The following ITPR2 variants were observed in gnomAD, a reference collection of about 807,000 sequenced individuals.
ITPR2 encodes inositol 1,4,5-trisphosphate-gated calcium channel ITPR2.
In ITPR2, 207 loss-of-function variants were observed where a neutral mutation model predicts 317.1. The observed-to-expected ratio is 0.65, with a 90% CI of 0.58 to 0.73. ITPR2 has a LOEUF of 0.73. ITPR2 is among the 30% of genes least tolerant of loss of function. ITPR2 has a pLI of 0.00. For missense variants in ITPR2, 2,613 were observed against 3,284.0 expected (o/e 0.80, Z 4.99); for synonymous variants, 1,156 against 1,149.1 (o/e 1.01, Z -0.12).
At chr12:26,667,184 A>G (rs537026791) in intron 13 of ITPR2, among the ~76,000 whole-genome samples, 21 of 152,348 alleles carry the variant, frequency 1.4e-4, no homozygotes, top group South Asian at 4.1e-4. Flanking sequence ...CAATTCCAGG[A>G]AAGTATAGAA....
chr12:26,448,930 G>T (rs1159604080), intron 45 of ITPR2, among the ~76,000 whole-genome samples: 1 of 152,044 alleles, frequency 6.6e-6, no homozygotes, highest in Non-Finnish European at 1.5e-5. Context: ...TGCATTTTTT[G>T]AAACCAAGAT....
intron 34 of ITPR2, among the ~76,000 whole-genome samples, chr12:26,576,564 G>T (rs1488561101): frequency 6.6e-6 from 1 of 152,214 alleles, no homozygotes; most frequent in African/African-American, 2.4e-5. Flanking sequence ...TGGCGCTCCA[G>T]AATGTGGGGA....
At chr12:26,724,800 T>G in intron 3 of ITPR2, 58 bp from the exon 4 acceptor site, 3 of 1,266,988 alleles carry the variant, frequency 2.4e-6, no homozygotes, top group African/African-American at 3.0e-5. Context: ...GTGTAATAAC[T>G]GACAAAGAAA....
intron 23 of ITPR2, among the ~76,000 whole-genome samples, chr12:26,626,201 C>T (rs909435431): frequency 6.6e-6 from 1 of 152,118 alleles, no homozygotes; most frequent in African/African-American, 2.4e-5. Flanking sequence ...CTGGGCTCAA[C>T]CAATCCGCCC....
At chr12:26,798,666 A>G (rs1485124080) in intron 1 of ITPR2, among the ~76,000 whole-genome samples, 2 of 152,224 alleles carry the variant, frequency 1.3e-5, no homozygotes, top group Non-Finnish European at 2.9e-5. Context: ...TCATGTTTGT[A>G]TGGTAATTAA....
chr12:26,628,018 G>C lies in ITPR2; in HGVS notation c.3064+15C>G. 1.9e-6 allele frequency: 3 copies of C among 1,590,028 alleles called. No individual in the cohort carries two copies. The highest frequency in any genetic ancestry group is 2.6e-6 in the Non-Finnish European group (3 of 1,171,316). ...AAATAAAATAAAAAGAGTAAATACTGTCACAAAAAGATACCTGATGGTAGT... is the reference window on the plus strand; with the variant it reads ...AAATAAAATAAAAAGAGTAAATACTCTCACAAAAAGATACCTGATGGTAGT... On this transcript the variant is annotated intron_variant, in intron 23 of 56. Coordinates refer to ENST00000381340, the MANE Select transcript of ITPR2 (RefSeq NM_002223.4).
chr12:26,484,301 A>T (rs1488107061), intron 41 of ITPR2, among the ~76,000 whole-genome samples: 1 of 152,056 alleles, frequency 6.6e-6, no homozygotes, highest in East Asian at 1.9e-4. Context: ...AAAGAAGTTC[A>T]TTAGGGAGAG....
chr12:26,339,521 CT>C (rs1369872376), intron 56 of ITPR2, 38 bp from the exon 57 acceptor site: 1 of 1,564,966 alleles, frequency 6.4e-7, no homozygotes, highest in Admixed American at 1.7e-5. Context: ...AGCGGATTTT[CT>C]CACTCTTACC....
intron 43 of ITPR2, 87 bp downstream of exon 43, chr12:26,481,044 A>C (rs1001567919): frequency 8.5e-6 from 6 of 706,426 alleles, no homozygotes; most frequent in Non-Finnish European, 1.5e-5. Context: ...AGTTGAAAAC[A>C]TGATAATATG....
In ITPR2 at chr12:26,597,944, T is replaced by G. The variant is rs576224677; in HGVS notation, c.4003-810A>C. ...ATATTTAAATCTATAAGCCGATTCA[T>G]TGGCTTACTTTGAAAGTGTTGTTGA... On this transcript the variant is annotated intron_variant, in intron 30 of 56. Transcript: ENST00000381340. Among the ~76,000 whole-genome samples the G allele has an allele frequency of 4.6e-5, 7 of 152,318 alleles. No individual in the cohort carries two copies. The East Asian group carries it at 1.4e-3, about 29-fold the overall frequency.
At position 26,723,348 on chromosome 12, in the gene ITPR2, C is replaced by T. The variant is rs74874569; in HGVS notation, c.367-793G>A. ...ATCATACTCTTGGGTCCTTATGTTA[C>T]CACAAAGCAATGGAAACCCTCATGG... On this transcript the variant is annotated intron_variant, in intron 4 of 56. Transcript: ENST00000381340. Among the ~76,000 whole-genome samples the T allele has an allele frequency of 3.4e-4, 51 of 152,174 alleles. 1 individual carries two copies. The East Asian group carries it at 9.3e-3, about 28-fold the overall frequency.
chr12:26,452,937 C>G (rs937186717), intron 45 of ITPR2, among the ~76,000 whole-genome samples: 1 of 152,038 alleles, frequency 6.6e-6, no homozygotes, highest in Non-Finnish European at 1.5e-5. Flanking sequence ...GTAAAAACTA[C>G]TTTAATCCCA....
chr12:26,528,795 G>A (rs1943874486), intron 37 of ITPR2, among the ~76,000 whole-genome samples: 1 of 152,216 alleles, frequency 6.6e-6, no homozygotes, highest in Non-Finnish European at 1.5e-5. Context: ...ATTCAGTTCT[G>A]TACTGAACCC....
chr12:26,529,677 C>T (rs752739143), intron 37 of ITPR2, among the ~76,000 whole-genome samples: 13 of 152,166 alleles, frequency 8.5e-5, no homozygotes, highest in South Asian at 2.1e-4. Flanking sequence ...AATAACCAAA[C>T]GTCTCTAAAC....
At chr12:26,676,550 C>T (rs1016321844) in intron 13 of ITPR2, among the ~76,000 whole-genome samples, 10 of 150,564 alleles carry the variant, frequency 6.6e-5, no homozygotes, top group African/African-American at 2.4e-4. Flanking sequence ...AGATTATAAC[C>T]CATAGGCCTC....
At chr12:26,347,856 T>C (rs1025131360) in intron 55 of ITPR2, among the ~76,000 whole-genome samples, 20 of 152,236 alleles carry the variant, frequency 1.3e-4, no homozygotes, top group African/African-American at 4.8e-4. Flanking sequence ...ACATTCACTG[T>C]GATTTTGTAG....
chr12:26,782,031 TATGTATAGAG>T lies in ITPR2; in HGVS notation c.163+8116_163+8125del, dbSNP rs1399101861. 5.4e-3 allele frequency among the ~76,000 whole-genome samples: 112 copies of T among 20,886 alleles called. 2 individuals are homozygous for T. The highest frequency in any genetic ancestry group is 7.6e-3 in the Non-Finnish European group (79 of 10,406). The allele number at this position is 20,886 out of a possible 152,430, so 13.7% of individuals were successfully genotyped here. On this transcript the variant is annotated intron_variant, in intron 2 of 56. Coordinates refer to ENST00000381340, the MANE Select transcript of ITPR2 (RefSeq NM_002223.4). ...ATATATATATATATATATATATATA[TATGTATAGAG>T]AGAGAGAGAGAGAGAGAGAGAGAGA... is the stretch of plus-strand genomic sequence containing the variant.
chr12:26,470,602 T>G (rs1454579012), intron 45 of ITPR2, among the ~76,000 whole-genome samples: 1 of 152,206 alleles, frequency 6.6e-6, no homozygotes, highest in African/African-American at 2.4e-5. Flanking sequence ...AAAATGTGAT[T>G]CTCCTTTCAT....
chr12:26,385,485 C>G (rs1939639148), intron 55 of ITPR2, among the ~76,000 whole-genome samples: 1 of 152,188 alleles, frequency 6.6e-6, no homozygotes, highest in South Asian at 2.1e-4. Context: ...CCTCTCCAAA[C>G]CAGCCTGCAC....
Sources: allele counts gnomAD v4.1 joint callset (sites outside exome capture counted in the v4.1 genomes callset), GRCh38; gene constraint gnomAD v4.1.1; transcripts MANE v1.5; gene names NCBI Gene and HGNC (gene_info 2026-07-23, HGNC 2026-07-21).